The following SH3BGRL2 variants were observed in gnomAD, a reference collection of about 807,000 sequenced individuals.
SH3BGRL2 encodes the protein SH3 domain binding glutamate rich protein like 2.
SH3BGRL2 carries 21 observed loss-of-function variants against 14.8 expected under a neutral mutation model. The ratio of observed to expected loss-of-function variants is 1.42; its 90% CI spans 1.01 to 2.05. The LOEUF is 2.05. Ranked by LOEUF, SH3BGRL2 falls within the 30% of genes most tolerant of loss-of-function variation. The pLI is 0.00. For missense variants in SH3BGRL2, 147 were observed against 130.8 expected (o/e 1.12, Z -0.61); for synonymous variants, 50 against 47.8 (o/e 1.05, Z -0.19).
At chr6:79,648,729 C>T (rs1174928377) in intron 1 of SH3BGRL2, among the ~76,000 whole-genome samples, 1 of 152,164 alleles carries the variant, frequency 6.6e-6, no homozygotes, top group East Asian at 1.9e-4. Context: ...GCAAAAGAAA[C>T]ACTGTTTCTG....
chr6:79,553,973 A>C, the SH3BGRL2 span, among the ~76,000 whole-genome samples: 1 of 151,636 alleles, frequency 6.6e-6, no homozygotes, highest in Admixed American at 6.6e-5. Context: ...GTCTCAAAAA[A>C]AAAAAAAGAA....
the SH3BGRL2 span, among the ~76,000 whole-genome samples, chr6:79,591,826 A>C: frequency 2.0e-5 from 3 of 152,328 alleles, no homozygotes; most frequent in Admixed American, 2.0e-4. Flanking sequence ...TCTAGCTCAG[A>C]TTCATGAACA....
chr6:79,655,546 C>G (rs723982), intron 1 of SH3BGRL2, among the ~76,000 whole-genome samples: 68,892 of 151,800 alleles, frequency 0.45, 16,539 homozygotes, highest in Non-Finnish European at 0.53. Flanking sequence ...TTTTATTACC[C>G]CACAGAGAAA....
At chr6:79,630,286 G>C (rs757897741), upstream of SH3BGRL2, among the ~76,000 whole-genome samples, 3 of 152,176 alleles carry the variant, frequency 2.0e-5, no homozygotes, top group Non-Finnish European at 4.4e-5. Context: ...CAAAGAGCCA[G>C]AGACCTCATC....
rs1212282729 is a variant in SH3BGRL2 at position 79,702,656 on chromosome 6, C to T, written c.*3147C>T. Reference sequence around the variant, plus strand: ...TTAAATTGTAAAAATACAAACAGATCGTGTGATCATTCAAGGAGCCAGACA... The same window carrying T: ...TTAAATTGTAAAAATACAAACAGATTGTGTGATCATTCAAGGAGCCAGACA... On this transcript the variant is annotated 3_prime_UTR_variant, in exon 4 of 4. Transcript: ENST00000369838. 6.6e-6 allele frequency: 1 copy of T among 152,166 alleles called. No individual in the cohort carries two copies. Among genetic ancestry groups the T allele is most frequent in the Non-Finnish European group, 1.5e-5 (1 of 68,056 alleles). The allele number at this position is 152,166 out of a possible 1,614,324, so 9.4% of individuals were successfully genotyped here. A position where few individuals can be genotyped will look rare whatever the true frequency, so the allele number is the denominator to read the frequency against.
the SH3BGRL2 span, among the ~76,000 whole-genome samples, chr6:79,604,477 C>T: frequency 1.3e-5 from 2 of 152,148 alleles, no homozygotes; most frequent in African/African-American, 4.8e-5. Context: ...CCAAACAGTG[C>T]CTTGACAGGA....
At chr6:79,690,638 A>G (rs186736651) in intron 2 of SH3BGRL2, among the ~76,000 whole-genome samples, 12 of 152,346 alleles carry the variant, frequency 7.9e-5, no homozygotes, top group African/African-American at 2.6e-4. Context: ...TCAAGGTCAT[A>G]GATAATTCAT....
At chr6:79,659,124 C>A (rs1252089866) in intron 1 of SH3BGRL2, among the ~76,000 whole-genome samples, 3 of 152,112 alleles carry the variant, frequency 2.0e-5, no homozygotes, top group Non-Finnish European at 4.4e-5. Context: ...TTTTGCCGTG[C>A]AGAAGCTCTT....
At chr6:79,599,164 G>A in the SH3BGRL2 span, among the ~76,000 whole-genome samples, 1 of 151,906 alleles carries the variant, frequency 6.6e-6, no homozygotes, top group Admixed American at 6.6e-5. Context: ...TTTACTGTAG[G>A]CAGGTGGGAA....
At chr6:79,669,776 C>A (rs180699221) in intron 1 of SH3BGRL2, among the ~76,000 whole-genome samples, 40 of 152,170 alleles carry the variant, frequency 2.6e-4, no homozygotes, top group Admixed American at 2.5e-3. Flanking sequence ...GGGAGATGGA[C>A]AAACAAATAC....
At chr6:79,618,548 C>T in the SH3BGRL2 span, among the ~76,000 whole-genome samples, 28 of 151,796 alleles carry the variant, frequency 1.8e-4, no homozygotes, top group East Asian at 1.8e-3. Flanking sequence ...TCTACTAAAA[C>T]TACAAAAATT....
At chr6:79,539,819 G>A in the SH3BGRL2 span, among the ~76,000 whole-genome samples, 84 of 152,170 alleles carry the variant, frequency 5.5e-4, no homozygotes, top group African/African-American at 1.8e-3. Flanking sequence ...TGTAAAGTGG[G>A]GGGACATACT....
At chr6:79,680,704 G>A (rs947990984) in intron 2 of SH3BGRL2, among the ~76,000 whole-genome samples, 2 of 151,954 alleles carry the variant, frequency 1.3e-5, no homozygotes, top group African/African-American at 4.8e-5. Context: ...TAATCCGTGA[G>A]CATGGGATAT....
intron 1 of SH3BGRL2, among the ~76,000 whole-genome samples, chr6:79,649,505 G>C (rs1244598741): frequency 1.3e-5 from 2 of 152,110 alleles, no homozygotes; most frequent in Non-Finnish European, 2.9e-5. Context: ...TAGGTTATTT[G>C]CTCCTACCTC....
In SH3BGRL2 at chr6:79,701,679, A is replaced by G. The variant is rs1062793; in HGVS notation, c.*2170A>G. The G allele has an allele frequency of 0.28, 41,238 of 147,578 alleles. 6,524 individuals carry two copies. The highest frequency in any genetic ancestry group is 0.43 in the South Asian group (1,958 of 4,562). The allele number at this position is 147,578 out of a possible 1,614,324, so 9.1% of individuals were successfully genotyped here. A position where few individuals can be genotyped will look rare whatever the true frequency, so the allele number is the denominator to read the frequency against. On this transcript the variant is annotated 3_prime_UTR_variant, in exon 4 of 4. Transcript: ENST00000369838. ...AGTGGTGCTGTACTTGTTATGAGTG[A>G]GGCAGCAGCACAGTGTGTGGCATTT...
At chr6:79,612,039 T>C in the SH3BGRL2 span, among the ~76,000 whole-genome samples, 1 of 152,178 alleles carries the variant, frequency 6.6e-6, no homozygotes, top group African/African-American at 2.4e-5. Flanking sequence ...GGCTCACACC[T>C]GTAATCTCAG....
intron 2 of SH3BGRL2, among the ~76,000 whole-genome samples, chr6:79,681,449 C>G (rs766361362): frequency 6.6e-6 from 1 of 152,112 alleles, no homozygotes. Context: ...TGCCTGCATT[C>G]CCCCATATTG....
the SH3BGRL2 span, among the ~76,000 whole-genome samples, chr6:79,589,014 G>C: frequency 3.3e-5 from 5 of 151,940 alleles, no homozygotes; most frequent in Non-Finnish European, 5.9e-5. Context: ...GGATATTCAA[G>C]TTCCTTATAT....
In SH3BGRL2 at chr6:79,670,133, G is replaced by A. The variant is rs58801752; in HGVS notation, c.46-3481G>A. On this transcript the variant is annotated intron_variant, in intron 1 of 3. Coordinates refer to ENST00000369838, the MANE Select transcript of SH3BGRL2 (RefSeq NM_031469.4). The stretch of plus-strand genomic sequence containing the variant: ...CATACAGCTTTGTTTATGGACACTG[G>A]TGTTTATATTTCATATAACTTTTAC... Among the ~76,000 whole-genome samples, 1,330 of 152,284 alleles carry A rather than the reference G, an allele frequency of 8.7e-3. 19 individuals carry two copies. The highest frequency in any genetic ancestry group is 0.031 in the African/African-American group (1,279 of 41,534).
Sources: allele counts gnomAD v4.1 joint callset (sites outside exome capture counted in the v4.1 genomes callset), GRCh38; gene constraint gnomAD v4.1.1; transcripts MANE v1.5; gene names NCBI Gene and HGNC (gene_info 2026-07-23, HGNC 2026-07-21).